Variants in VIRMA observed in about 807,000 individuals in gnomAD.
The protein encoded by VIRMA is vir like m6A methyltransferase associated.
A neutral mutation model predicts 182.4 loss-of-function variants in VIRMA; 65 were observed. That is an observed-to-expected ratio of 0.36 (90% CI 0.29 to 0.44). VIRMA has a LOEUF of 0.44. Among genes scored for constraint, VIRMA ranks in the 20% least tolerant of loss-of-function variants. The pLI is 1.00. For missense variants in VIRMA, 1,752 were observed against 2,158.1 expected (o/e 0.81, Z 3.73); for synonymous variants, 709 against 743.1 (o/e 0.95, Z 0.75).
chr8:94,517,799 G>C lies in VIRMA; in HGVS notation c.2657C>G (p.Ala886Gly). ...LKLCKADENN[A>G]KLQELGKWLE... ...TTTAAGTACCATACCTTGCAATTTA[G>C]CATTATTTTCATCTGCTTTACAAAG... Residue 886 changes from alanine (A) to glycine (G), a missense_variant, in exon 10 of 24, where the codon GCT becomes GGT. By Grantham distance (60) the Ala-to-Gly change is moderately conservative. Transcript: ENST00000297591. 1 of 1,602,014 alleles carries C rather than the reference G, an allele frequency of 6.2e-7. No homozygotes were observed.
chr8:94,495,701 T>A, intron 19 of VIRMA, 30 bp downstream of exon 19: 1 of 1,595,548 alleles, frequency 6.3e-7, no homozygotes, highest in South Asian at 1.1e-5. Context: ...AACCAACAGC[T>A]ATTCAATCAT....
Position 94,534,867 on chromosome 8 carries a change from T to C in VIRMA, c.456A>G (p.Gln152=), listed in dbSNP as rs751310416. The change falls in exon 5 of 24, where the codon CAA becomes CAG. Residue 152 remains glutamine (Q), a synonymous_variant. Coordinates refer to ENST00000297591, the MANE Select transcript of VIRMA (RefSeq NM_015496.5). ...GTTTTGGATTCCTTTTCAAACTTGG[T>C]TGTGGCTGGGGAGGTGGTGGCGGTG... ...PPPPPPPPQP[Q]PSLKRNPKHA... is the part of the protein sequence containing the mutation. The C allele has an allele frequency of 3.7e-6, 6 of 1,613,504 alleles. No individual in the cohort carries two copies. Among genetic ancestry groups the C allele is most frequent in the African/African-American group, 2.7e-5 (2 of 74,992 alleles).
At chr8:94,511,089 G>C in intron 13 of VIRMA, 96 bp downstream of exon 13, 1 of 1,490,534 alleles carries the variant, frequency 6.7e-7, no homozygotes, top group Non-Finnish European at 8.9e-7. Flanking sequence ...TTGGGAGGAA[G>C]GGAGATGAGG....
At chr8:94,520,135 G>A (rs981407659) in intron 8 of VIRMA, among the ~76,000 whole-genome samples, 2 of 149,682 alleles carry the variant, frequency 1.3e-5, no homozygotes, top group Non-Finnish European at 3.0e-5. Flanking sequence ...TCAATGCTGC[G>A]GTGAGCCATG....
rs1248836784 is a variant in VIRMA, at chr8:94,502,568, C to T, written c.4098-3062G>A. Among the ~76,000 whole-genome samples the T allele has an allele frequency of 3.3e-5, 5 of 151,900 alleles. No individual in the cohort carries two copies. In the East Asian group the frequency reaches 5.8e-4, roughly 18 times the overall value. On this transcript the variant is annotated intron_variant, in intron 16 of 23. Coordinates refer to ENST00000297591, the MANE Select transcript of VIRMA (RefSeq NM_015496.5). ...TGAATTAGGACACATACGTATATTT[C>T]CCAGCTCTATCCAATGAGACACACC...
chr8:94,511,614 C>T lies in VIRMA; in HGVS notation c.2961G>A (p.Trp987Ter). ...QKLNSILTQP[W>*]RLHVNMGTTL... is the part of the protein sequence containing the mutation. Reference sequence around the variant, plus strand: ...TAGTCCCCATGTTGACATGGAGCCTCCAAGGCTGAGTCAGAATACTGTTCA... The same window carrying T: ...TAGTCCCCATGTTGACATGGAGCCTTCAAGGCTGAGTCAGAATACTGTTCA... Residue 987 changes from tryptophan to a stop codon, truncating the protein, a stop_gained, in exon 13 of 24, where the codon TGG becomes TGA. Transcript: ENST00000297591. LOFTEE classifies it high-confidence loss of function. 1 of 1,614,076 alleles carries T rather than the reference C, an allele frequency of 6.2e-7. No individual in the cohort carries two copies. The highest frequency in any genetic ancestry group is 8.5e-7 in the Non-Finnish European group (1 of 1,179,984).
chr8:94,500,444 T>G lies in VIRMA; in HGVS notation c.4098-938A>C, dbSNP rs1295785303. 2.6e-5 allele frequency among the ~76,000 whole-genome samples: 4 copies of G among 152,094 alleles called. No individual in the cohort carries two copies. The East Asian group carries it at 7.7e-4, about 29-fold the overall frequency. ...AATGGAAAAAGCATGGGTTCAAAAT[T>G]GGACTACACCCATTACTAACCACTA... is the stretch of plus-strand genomic sequence containing the variant. On this transcript the variant is annotated intron_variant, in intron 16 of 23. Coordinates refer to ENST00000297591, the MANE Select transcript of VIRMA (RefSeq NM_015496.5).
chr8:94,499,969 T>TA (rs1404835420), intron 16 of VIRMA, among the ~76,000 whole-genome samples: 1 of 141,938 alleles, frequency 7.0e-6, no homozygotes, highest in Non-Finnish European at 1.5e-5. Flanking sequence ...AAGAATCACT[T>TA]AAACGATTGG....
chr8:94,516,579 T>G (rs577586501), intron 10 of VIRMA, among the ~76,000 whole-genome samples: 1 of 152,256 alleles, frequency 6.6e-6, no homozygotes, highest in Non-Finnish European at 1.5e-5. Context: ...CCACCAGAAT[T>G]ACAGCTGTAC....
chr8:94,511,015 T>C (rs1342962956), intron 13 of VIRMA, 170 bp downstream of exon 13: 2 of 1,409,926 alleles, frequency 1.4e-6, no homozygotes, highest in Non-Finnish European at 1.8e-6. Flanking sequence ...GTTACCCCCA[T>C]ATTTCCTCAA....
intron 5 of VIRMA, chr8:94,534,286 C>A (rs926084882): frequency 6.7e-6 from 1 of 150,136 alleles, no homozygotes; most frequent in East Asian, 1.9e-4. Context: ...AAACTCCCTG[C>A]CTATTTTTCA....
At chr8:94,540,879 C>T (rs1815525374) in intron 2 of VIRMA, among the ~76,000 whole-genome samples, 1 of 152,112 alleles carries the variant, frequency 6.6e-6, no homozygotes. Context: ...GTCCTGGTCA[C>T]TGAAAAACGA....
chr8:94,550,844 G>T (rs578103455), intron 1 of VIRMA, among the ~76,000 whole-genome samples: 1 of 152,034 alleles, frequency 6.6e-6, no homozygotes, highest in Non-Finnish European at 1.5e-5. Flanking sequence ...TCAGCCTTCC[G>T]AGTAGCTGGG....
At chr8:94,541,967 C>G (rs764476238) in intron 2 of VIRMA, among the ~76,000 whole-genome samples, 5 of 152,222 alleles carry the variant, frequency 3.3e-5, no homozygotes, top group Non-Finnish European at 5.9e-5. Flanking sequence ...AGCCACACAT[C>G]TCCAGCTAAG....
At position 94,538,265 on chromosome 8, in the gene VIRMA, C is replaced by T. The variant is rs1415716815; in HGVS notation, c.261G>A (p.Leu87=). The T allele has an allele frequency of 6.2e-7, 1 of 1,608,832 alleles. No individual in the cohort carries two copies. The highest frequency in any genetic ancestry group is 1.3e-5 in the African/African-American group (1 of 74,814). ...SKPSAPVFDR[L]GSLEYDENTS... ...ATTACCTAGCAGGTACATACCTTCC[C>T]AACCTATCGAAAACAGGGGCACTTG... The change falls in exon 3 of 24, where the codon TTG becomes TTA. Residue 87 remains leucine, a synonymous_variant. Coordinates refer to ENST00000297591, the MANE Select transcript of VIRMA (RefSeq NM_015496.5).
At position 94,495,796 on chromosome 8, in the gene VIRMA, G is replaced by A; in HGVS notation, c.4479C>T (p.Leu1493=). Residue 1493 remains leucine, a synonymous_variant, in exon 19 of 24, where the codon CTC becomes CTT. Coordinates refer to ENST00000297591, the MANE Select transcript of VIRMA (RefSeq NM_015496.5). ...GTACTGGTTCTACATCCTGGTCACT[G>A]AGAGGTAAAGGGTCACCTGATGACT... ...MLESSGDPLP[L]SDQDVEPVLS... is the part of the protein sequence containing the mutation. 1 of 1,613,952 alleles carries A rather than the reference G, an allele frequency of 6.2e-7. No individual in the cohort carries two copies. The highest frequency in any genetic ancestry group is 8.5e-7 in the Non-Finnish European group (1 of 1,179,850).
intron 16 of VIRMA, among the ~76,000 whole-genome samples, chr8:94,504,768 G>A (rs1362805355): frequency 6.6e-6 from 1 of 152,116 alleles, no homozygotes; most frequent in Non-Finnish European, 1.5e-5. Context: ...ATAATCCACA[G>A]GACTTAATGA....
chr8:94,538,802 T>C (rs1246884451), intron 2 of VIRMA, among the ~76,000 whole-genome samples: 2 of 152,068 alleles, frequency 1.3e-5, no homozygotes, highest in Non-Finnish European at 2.9e-5. Flanking sequence ...TTAGTAGAAA[T>C]GGGGTTTCGC....
intron 11 of VIRMA, among the ~76,000 whole-genome samples, chr8:94,514,143 G>A (rs578125354): frequency 4.6e-5 from 7 of 152,154 alleles, no homozygotes; most frequent in Admixed American, 3.3e-4. Context: ...ACACACTCAC[G>A]CACAGATTTC....
Sources: allele counts gnomAD v4.1 joint callset (sites outside exome capture counted in the v4.1 genomes callset), GRCh38; gene constraint gnomAD v4.1.1; transcripts MANE v1.5; gene names NCBI Gene and HGNC (gene_info 2026-07-23, HGNC 2026-07-21).